INIP: variants seen among roughly 807,000 people sequenced by gnomAD.
INIP encodes the protein INTS3 and NABP interacting protein, also known as SOSS complex subunit C.
Under a neutral mutation model 14.0 loss-of-function variants are expected in INIP, and 9 were observed. That is an observed-to-expected ratio of 0.64 (90% confidence interval 0.39 to 1.12). INIP has a LOEUF of 1.12. Among genes scored for constraint, INIP ranks in the 50% most tolerant of loss-of-function variants. INIP has a pLI of 0.01. For missense variants in INIP, 78 were observed against 122.7 expected (o/e 0.64, Z 1.72); for synonymous variants, 37 against 41.5 (o/e 0.89, Z 0.41).
chr9:112,693,058 A>G (rs1439285245), intron 3 of INIP, among the ~76,000 whole-genome samples: 2 of 151,218 alleles, frequency 1.3e-5, no homozygotes, highest in Non-Finnish European at 2.9e-5. Context: ...TCTGAAGGCT[A>G]TGAAGTCTAT....
chr9:112,694,756 T>C (rs1163146727), intron 2 of INIP, among the ~76,000 whole-genome samples: 1 of 152,188 alleles, frequency 6.6e-6, no homozygotes, highest in Non-Finnish European at 1.5e-5. Flanking sequence ...TTCAGATATG[T>C]TGGATAATTT....
chr9:112,691,486 G>C (rs569042682), intron 3 of INIP, among the ~76,000 whole-genome samples: 1 of 152,276 alleles, frequency 6.6e-6, no homozygotes, highest in Admixed American at 6.5e-5. Context: ...AGAAAGGACA[G>C]ACTAGAGCTG....
chr9:112,715,848 T>C (rs1471014569), intron 2 of INIP, among the ~76,000 whole-genome samples: 3 of 152,098 alleles, frequency 2.0e-5, no homozygotes, highest in Non-Finnish European at 4.4e-5. Context: ...TAATTTTTTT[T>C]ACTTTTTAAA....
intron 1 of INIP, among the ~76,000 whole-genome samples, chr9:112,717,308 T>C (rs763039497): frequency 2.0e-5 from 3 of 152,194 alleles, no homozygotes; most frequent in Non-Finnish European, 4.4e-5. Flanking sequence ...CCATACACTG[T>C]GTAACATGCT....
intron 2 of INIP, among the ~76,000 whole-genome samples, chr9:112,699,409 C>A (rs544025973): frequency 6.6e-6 from 1 of 152,130 alleles, no homozygotes; most frequent in Non-Finnish European, 1.5e-5. Context: ...GCGGTTTCAG[C>A]TACCTGTGGT....
chr9:112,700,229 CT>C (rs1210089032), intron 2 of INIP, among the ~76,000 whole-genome samples: 1 of 152,096 alleles, frequency 6.6e-6, no homozygotes, highest in Non-Finnish European at 1.5e-5. Flanking sequence ...AAAAACCTAA[CT>C]TTGCAAAGAT....
chr9:112,697,774 G>A (rs770775452), intron 2 of INIP, among the ~76,000 whole-genome samples: 2 of 152,130 alleles, frequency 1.3e-5, no homozygotes, highest in Non-Finnish European at 2.9e-5. Flanking sequence ...GGTTATTTCT[G>A]AAAGGAAAGT....
At chr9:112,692,257 A>T (rs967242982) in intron 3 of INIP, among the ~76,000 whole-genome samples, 1 of 152,160 alleles carries the variant, frequency 6.6e-6, no homozygotes, top group African/African-American at 2.4e-5. Flanking sequence ...GAAGAGAGTT[A>T]GGGTGGTGGT....
intron 2 of INIP, among the ~76,000 whole-genome samples, chr9:112,710,403 C>A (rs796312256): frequency 5.9e-5 from 9 of 152,314 alleles, no homozygotes; most frequent in African/African-American, 2.2e-4. Context: ...CAGGCTGAAC[C>A]AATCCAATGC....
At position 112,686,126 on chromosome 9, in the gene INIP, A is replaced by G. The variant is rs1837656191; in HGVS notation, c.*1412T>C. The G allele has an allele frequency of 6.6e-6, 1 of 152,194 alleles. No individual in the cohort carries two copies. Among genetic ancestry groups the G allele is most frequent in the Non-Finnish European group, 1.5e-5 (1 of 68,032 alleles). The allele number at this position is 152,194 out of a possible 1,614,324, so 9.4% of individuals were successfully genotyped here. On this transcript the variant is annotated 3_prime_UTR_variant, in exon 5 of 5. Transcript: ENST00000374242. ...AGAGGATGGGACTCAAGGCCAAGAT[A>G]AGGTCAGTTACAAAAAGTTATATAA... is the stretch of plus-strand genomic sequence containing the variant.
At chr9:112,695,776 A>G (rs1163840230) in intron 2 of INIP, among the ~76,000 whole-genome samples, 2 of 112,392 alleles carry the variant, frequency 1.8e-5, no homozygotes, top group Non-Finnish European at 3.5e-5. Flanking sequence ...AAGGGAGAGG[A>G]GGAGGGGGAG....
At chr9:112,691,745 C>T (rs958593848) in intron 3 of INIP, among the ~76,000 whole-genome samples, 1 of 152,228 alleles carries the variant, frequency 6.6e-6, no homozygotes, top group African/African-American at 2.4e-5. Flanking sequence ...TGCAGCGGCT[C>T]ACGCCTGTAA....
intron 2 of INIP, among the ~76,000 whole-genome samples, chr9:112,712,254 C>G (rs1838669858): frequency 6.6e-6 from 1 of 152,152 alleles, no homozygotes; most frequent in African/African-American, 2.4e-5. Context: ...TCCCAGGCAG[C>G]CCATCAATAA....
chr9:112,700,895 G>A (rs549807694), intron 2 of INIP, among the ~76,000 whole-genome samples: 1 of 152,118 alleles, frequency 6.6e-6, no homozygotes, highest in Non-Finnish European at 1.5e-5. Context: ...GCTATGCAGT[G>A]AGCTATTTTT....
At chr9:112,689,879 A>G (rs2131280972) in intron 3 of INIP, among the ~76,000 whole-genome samples, 1 of 152,278 alleles carries the variant, frequency 6.6e-6, no homozygotes, top group Non-Finnish European at 1.5e-5. Flanking sequence ...TTTTCTTAGC[A>G]AAAAATTCTC....
rs1271034110 is a variant in INIP, at chr9:112,686,180, TATC to T, written c.*1355_*1357del. On this transcript the variant is annotated 3_prime_UTR_variant, in exon 5 of 5. Coordinates refer to ENST00000374242, the MANE Select transcript of INIP (RefSeq NM_021218.3). ...ACTGTATCTGTGATACAGTGTAAAA[TATC>T]ATTTCAATCCTATTAAAAGTTAAAA... 2.6e-5 allele frequency: 4 copies of T among 152,124 alleles called. No homozygotes were observed. Among genetic ancestry groups the T allele is most frequent in the Non-Finnish European group, 5.9e-5 (4 of 68,010 alleles). The allele number at this position is 152,124 out of a possible 1,614,324, so 9.4% of individuals were successfully genotyped here. A position where few individuals can be genotyped will look rare whatever the true frequency, so the allele number is the denominator to read the frequency against.
At chr9:112,697,639 G>A (rs933173175) in intron 2 of INIP, among the ~76,000 whole-genome samples, 12 of 152,102 alleles carry the variant, frequency 7.9e-5, no homozygotes, top group African/African-American at 2.9e-4. Flanking sequence ...TACCCCTACT[G>A]CTCAGGAAAT....
At chr9:112,707,539 T>TTTTCCTCCCG (rs1838519498) in intron 2 of INIP, among the ~76,000 whole-genome samples, 1 of 152,100 alleles carries the variant, frequency 6.6e-6, no homozygotes, top group African/African-American at 2.4e-5. Flanking sequence ...CATTTCTTTG[T>TTTTCCTCCCG]CACTAAAAAC....
At chr9:112,698,877 G>A (rs1483112867) in intron 2 of INIP, among the ~76,000 whole-genome samples, 1 of 152,180 alleles carries the variant, frequency 6.6e-6, no homozygotes, top group Non-Finnish European at 1.5e-5. Flanking sequence ...TCCAGATACA[G>A]ACGTAGAGAA....
Sources: gnomAD v4.1 joint callset for allele counts (sites outside exome capture counted in the v4.1 genomes callset) on GRCh38, gnomAD v4.1.1 for gene constraint, MANE v1.5 for transcripts, NCBI Gene and HGNC (gene_info 2026-07-23, HGNC 2026-07-21) for gene names.